The following KDM1B variants were observed in gnomAD, a reference collection of about 807,000 sequenced individuals.
The protein encoded by KDM1B is lysine demethylase 1B.
A neutral mutation model predicts 107.4 loss-of-function variants in KDM1B; 63 were observed. The observed-to-expected ratio is 0.59, with a 90% CI of 0.48 to 0.72. The LOEUF is 0.72. Ranked by LOEUF, KDM1B falls within the 30% of genes least tolerant of loss-of-function variation. KDM1B has a pLI of 0.00. For synonymous variants in KDM1B, 363 were observed against 363.9 expected, an observed-to-expected ratio of 1.00 and a Z score of 0.03; for missense variants, 749 against 1,020.8, an observed-to-expected ratio of 0.73 and a Z score of 3.63.
In KDM1B at chr6:18,205,285, C is replaced by T. The variant is rs1013304410; in HGVS notation, c.1532-252C>T. Among the ~76,000 whole-genome samples the T allele has an allele frequency of 1.3e-4, 20 of 152,014 alleles. No homozygotes were observed. Among genetic ancestry groups the T allele is most frequent in the African/African-American group, 3.4e-4 (14 of 41,388 alleles). On this transcript the variant is annotated intron_variant, in intron 14 of 21. Transcript: ENST00000650836. The surrounding 1 kb of genome is among the most constrained non-coding windows in gnomAD (Gnocchi z 5.7). The stretch of plus-strand genomic sequence containing the variant: ...TTCTGAAGATATAGAACTTACATAG[C>T]TTTGTTTCCGGTTGTGCACATGTAC...
intron 7 of KDM1B, among the ~76,000 whole-genome samples, chr6:18,178,174 C>T (rs1255737804): frequency 6.6e-6 from 1 of 152,196 alleles, no homozygotes; most frequent in Non-Finnish European, 1.5e-5. Flanking sequence ...CCACCATCTC[C>T]TGGGTTCAAG....
intron 17 of KDM1B, among the ~76,000 whole-genome samples, chr6:18,210,369 T>TTTTTTTTTTTTTA: frequency 9.7e-6 from 1 of 103,148 alleles, no homozygotes; most frequent in Non-Finnish European, 2.1e-5. Flanking sequence ...TTTTTTTTTT[T>TTTTTTTTTTTTTA]TTTGTTTTAC....
intron 3 of KDM1B, 83 bp downstream of exon 3, chr6:18,160,065 A>G (rs1386662487): frequency 1.6e-5 from 14 of 887,932 alleles, no homozygotes; most frequent in Admixed American, 2.7e-5. Context: ...AGTTGAAAAG[A>G]TTACTCCAGC....
chr6:18,180,481 C>G (rs1218957928), intron 7 of KDM1B, among the ~76,000 whole-genome samples: 2 of 152,146 alleles, frequency 1.3e-5, no homozygotes, highest in African/African-American at 4.8e-5. Flanking sequence ...TGCGATGATT[C>G]TAAAAGTTTT....
intron 14 of KDM1B, among the ~76,000 whole-genome samples, chr6:18,202,525 AT>A (rs1326466216): frequency 6.6e-6 from 1 of 152,200 alleles, no homozygotes; most frequent in African/African-American, 2.4e-5. Flanking sequence ...GCCAGCTTAA[AT>A]TTTACTGTAT....
In KDM1B at chr6:18,186,973, T is replaced by TACACACACAC. The variant is rs141222425; in HGVS notation, c.574-801_574-792dup. Among the ~76,000 whole-genome samples the TACACACACAC allele has an allele frequency of 0.014, 2,020 of 147,500 alleles. 21 individuals are homozygous for TACACACACAC. The highest frequency in any genetic ancestry group is 0.025 in the South Asian group (115 of 4,630). On this transcript the variant is annotated intron_variant, in intron 8 of 21. Coordinates refer to ENST00000650836, the MANE Select transcript of KDM1B (RefSeq NM_001364614.2). This position sits in a 1 kb window ranked among gnomAD's most constrained non-coding sequence, Gnocchi z 5.6. ...CAGTATGTATATATGTGTGTGTGTG[T>TACACACACAC]ACACACACACACACACACACACACA...
At chr6:18,187,477 G>A (rs394328) in intron 8 of KDM1B, among the ~76,000 whole-genome samples, 15,917 of 152,090 alleles carry the variant, frequency 0.1, 918 homozygotes, top group South Asian at 0.22. Context: ...CTAGGCTTGC[G>A]ATCTAGTAAA....
chr6:18,212,614 A>C lies in KDM1B; in HGVS notation c.1983+10A>C. ...AGGCATCATTGAAAAGGTGACTGAA[A>C]TGACCTCATCCTCAGCAAGAAAGAG... On this transcript the variant is annotated intron_variant, in intron 18 of 21. Transcript: ENST00000650836. The surrounding 1 kb of genome is among the most constrained non-coding windows in gnomAD (Gnocchi z 5.2). 5 of 1,535,728 alleles carry C rather than the reference A, an allele frequency of 3.3e-6. No homozygotes were observed. Among genetic ancestry groups the C allele is most frequent in the Non-Finnish European group, 4.5e-6 (5 of 1,108,442 alleles).
chr6:18,191,274 G>A lies in KDM1B; in HGVS notation c.862G>A (p.Val288Met). Residue 288 changes from valine (V) to methionine (M), a missense_variant, in exon 10 of 22, where the codon GTG becomes ATG. Physicochemically the swap from Val to Met is conservative, Grantham distance 21. Coordinates refer to ENST00000650836, the MANE Select transcript of KDM1B (RefSeq NM_001364614.2). This position sits in a 1 kb window ranked among gnomAD's most constrained non-coding sequence, Gnocchi z 5.1. Reference sequence around the variant, plus strand: ...CAAAGCCCTCTGTGTGAGGCCGGATGTGATGGAACTGGATGAGCTCTATGA... The same window carrying A: ...CAAAGCCCTCTGTGTGAGGCCGGATATGATGGAACTGGATGAGCTCTATGA... ...CGKALCVRPD[V>M]MELDELYEFP... is the part of the protein sequence containing the mutation. 1 of 1,550,810 alleles carries A rather than the reference G, an allele frequency of 6.4e-7. No homozygotes were observed. Among genetic ancestry groups the A allele is most frequent in the Non-Finnish European group, 8.7e-7 (1 of 1,147,038 alleles).
chr6:18,208,581 G>A lies in KDM1B; in HGVS notation c.1866+375G>A, dbSNP rs902959817. Reference sequence around the variant, plus strand: ...TTAGGATTAAATAGGAGTTGTATAGGGTTAAATAGAAGTATGTGTATGTAT... The same window carrying A: ...TTAGGATTAAATAGGAGTTGTATAGAGTTAAATAGAAGTATGTGTATGTAT... On this transcript the variant is annotated intron_variant, in intron 17 of 21. Coordinates refer to ENST00000650836, the MANE Select transcript of KDM1B (RefSeq NM_001364614.2). Among the ~76,000 whole-genome samples the A allele has an allele frequency of 7.8e-5, 9 of 114,956 alleles. No individual in the cohort carries two copies. In the East Asian group the frequency reaches 2.3e-3, roughly 30 times the overall value. The allele number at this position is 114,956 out of a possible 152,430, so 75.4% of individuals were successfully genotyped here. A position where few individuals can be genotyped will look rare whatever the true frequency, so the allele number is the denominator to read the frequency against.
At chr6:18,158,092 C>T (rs1221688213) in intron 2 of KDM1B, among the ~76,000 whole-genome samples, 1 of 151,978 alleles carries the variant, frequency 6.6e-6, no homozygotes, top group Non-Finnish European at 1.5e-5. Context: ...GGATTACAGG[C>T]GTGAGCCACC....
At chr6:18,166,623 C>T (rs752228204) in intron 6 of KDM1B, among the ~76,000 whole-genome samples, 1 of 151,924 alleles carries the variant, frequency 6.6e-6, no homozygotes, top group African/African-American at 2.4e-5. Flanking sequence ...GGTGGGAAGA[C>T]TGCTTTGCGC....
intron 3 of KDM1B, 61 bp from the exon 4 acceptor site, chr6:18,161,266 T>C: frequency 6.5e-7 from 1 of 1,540,424 alleles, no homozygotes; most frequent in Non-Finnish European, 9.0e-7. Context: ...GTAGTGAACC[T>C]TCATCCTTAG....
At chr6:18,171,292 G>T in intron 6 of KDM1B, 71 bp from the exon 7 acceptor site, 1 of 819,440 alleles carries the variant, frequency 1.2e-6, no homozygotes, top group East Asian at 2.4e-5. Flanking sequence ...AGATGACCAA[G>T]TGGTGGAGGA....
At chr6:18,194,211 A>G (rs982947749) in intron 10 of KDM1B, among the ~76,000 whole-genome samples, 7 of 151,256 alleles carry the variant, frequency 4.6e-5, no homozygotes, top group Non-Finnish European at 1.0e-4. Flanking sequence ...ATGGGGTTTC[A>G]ACCATGTTGG....
rs748489629 is a variant in KDM1B, at chr6:18,222,266, G to C, written c.*274G>C. Reference sequence around the variant, plus strand: ...ATAAAGCAGAATGTAAGTTTCAGTTGAGGCCATGGATTTGATTGTTCCATG... The same window carrying C: ...ATAAAGCAGAATGTAAGTTTCAGTTCAGGCCATGGATTTGATTGTTCCATG... On this transcript the variant is annotated 3_prime_UTR_variant, in exon 22 of 22. Transcript: ENST00000650836. The C allele has an allele frequency of 1.3e-4, 71 of 535,394 alleles. No individual in the cohort carries two copies. Among genetic ancestry groups the C allele is most frequent in the South Asian group, 1.2e-3 (71 of 61,014 alleles). 33.2% of individuals were successfully genotyped at this position (535,394 alleles called of 1,614,324 possible).
Position 18,209,519 on chromosome 6 carries a change from C to T in KDM1B, c.1866+1313C>T, listed in dbSNP as rs1426641550. On this transcript the variant is annotated intron_variant, in intron 17 of 21. Coordinates refer to ENST00000650836, the MANE Select transcript of KDM1B (RefSeq NM_001364614.2). This position sits in a 1 kb window ranked among gnomAD's most constrained non-coding sequence, Gnocchi z 4.3. ...GAGATCTTGGGCAGCAATCCCCGGGCTGCACGTCGGAACCACCTGGGAGGC... is the reference window on the plus strand; with the variant it reads ...GAGATCTTGGGCAGCAATCCCCGGGTTGCACGTCGGAACCACCTGGGAGGC... Among the ~76,000 whole-genome samples, 4 of 152,202 alleles carry T rather than the reference C, an allele frequency of 2.6e-5. No individual in the cohort carries two copies. Among genetic ancestry groups the T allele is most frequent in the Non-Finnish European group, 4.4e-5 (3 of 68,044 alleles).
At position 18,203,380 on chromosome 6, in the gene KDM1B, A is replaced by ATAG. The variant is rs1405075238; in HGVS notation, c.1531+1728_1531+1730dup. Among the ~76,000 whole-genome samples the ATAG allele has an allele frequency of 6.6e-6, 1 of 152,164 alleles. No individual in the cohort carries two copies. The highest frequency in any genetic ancestry group is 2.4e-5 in the African/African-American group (1 of 41,444). On this transcript the variant is annotated intron_variant, in intron 14 of 21. Coordinates refer to ENST00000650836, the MANE Select transcript of KDM1B (RefSeq NM_001364614.2). The surrounding 1 kb of genome is among the most constrained non-coding windows in gnomAD (Gnocchi z 5.5). ...ATCAATAGCTTGTTTAAAAGCTTTG[A>ATAG]TAGTAGTGCACACATCTCTGTGTAA...
rs774817680 is a variant in KDM1B at position 18,208,603 on chromosome 6, GTATATATATATA to G, written c.1866+411_1866+422del. ...TAGGGTTAAATAGAAGTATGTGTAT[GTATATATATATA>G]TATATATATATATTTTTTTTTTTTT... is the stretch of plus-strand genomic sequence containing the variant. On this transcript the variant is annotated intron_variant, in intron 17 of 21. Coordinates refer to ENST00000650836, the MANE Select transcript of KDM1B (RefSeq NM_001364614.2). Among the ~76,000 whole-genome samples the G allele has an allele frequency of 4.0e-4, 14 of 34,896 alleles. 2 individuals carry two copies. The South Asian group carries it at 8.5e-3, about 21-fold the overall frequency. The allele number at this position is 34,896 out of a possible 152,430, so 22.9% of individuals were successfully genotyped here. A position where few individuals can be genotyped will look rare whatever the true frequency, so the allele number is the denominator to read the frequency against.
Sources: allele counts gnomAD v4.1 joint callset (sites outside exome capture counted in the v4.1 genomes callset), GRCh38; gene constraint gnomAD v4.1.1; non-coding constraint Gnocchi (gnomAD v3.1); transcripts MANE v1.5; gene names NCBI Gene and HGNC (gene_info 2026-07-23, HGNC 2026-07-21).